The following IGSF21 variants were observed in gnomAD, a reference collection of about 807,000 sequenced individuals.
IGSF21 encodes the protein immunoglobin superfamily member 21.
A neutral mutation model predicts 46.8 loss-of-function variants in IGSF21; 28 were observed. That is an observed-to-expected ratio of 0.60 (90% confidence interval 0.44 to 0.82). IGSF21 has a LOEUF of 0.82. Among genes scored for constraint, IGSF21 ranks in the 40% least tolerant of loss-of-function variants. The pLI is 0.00. For missense variants in IGSF21, 624 were observed against 665.5 expected (o/e 0.94, Z 0.69); for synonymous variants, 284 against 273.6 (o/e 1.04, Z -0.38).
chr1:18,220,220 T>C (rs1335477403), intron 1 of IGSF21, among the ~76,000 whole-genome samples: 1 of 152,150 alleles, frequency 6.6e-6, no homozygotes, highest in African/African-American at 2.4e-5. Context: ...TATCCTACCA[T>C]CCTGAGTGAG....
intron 1 of IGSF21, among the ~76,000 whole-genome samples, chr1:18,191,642 G>A (rs1052297389): frequency 6.6e-6 from 1 of 151,694 alleles, no homozygotes; most frequent in Non-Finnish European, 1.5e-5. Context: ...AGGCTTGCGG[G>A]TTGGGGAAGC....
chr1:18,167,754 C>T (rs2086693391), intron 1 of IGSF21: 1 of 152,132 alleles, frequency 6.6e-6, no homozygotes, highest in South Asian at 2.1e-4. Flanking sequence ...CACCTCCATC[C>T]CCACTCCTGC....
intron 1 of IGSF21, among the ~76,000 whole-genome samples, chr1:18,150,328 TG>T (rs2086510391): frequency 6.6e-6 from 1 of 151,940 alleles, no homozygotes; most frequent in Non-Finnish European, 1.5e-5. Flanking sequence ...CTCTGGAAAA[TG>T]GGGATAGCAC....
At chr1:18,219,810 G>A (rs1322434907) in intron 1 of IGSF21, among the ~76,000 whole-genome samples, 1 of 152,156 alleles carries the variant, frequency 6.6e-6, no homozygotes, top group East Asian at 1.9e-4. Context: ...GCACGGGCAT[G>A]GAGGATGTTT....
chr1:18,219,093 A>G (rs1315709014), intron 1 of IGSF21, among the ~76,000 whole-genome samples: 3 of 152,232 alleles, frequency 2.0e-5, no homozygotes, highest in Non-Finnish European at 4.4e-5. Context: ...TGTACAGTCT[A>G]GTTGGAGGTC....
intron 4 of IGSF21, among the ~76,000 whole-genome samples, chr1:18,341,030 TTCTTCTTCTTCTTCC>T (rs1224540790): frequency 3.8e-5 from 4 of 105,328 alleles, no homozygotes; most frequent in African/African-American, 7.0e-5. Context: ...CTTCTTCTTC[TTCTTCTTCTTCTTCC>T]TCTTCCTCTT....
chr1:18,351,945 C>T (rs957710888), intron 4 of IGSF21, among the ~76,000 whole-genome samples: 5 of 152,202 alleles, frequency 3.3e-5, no homozygotes, highest in Non-Finnish European at 7.3e-5. Context: ...GCCAGCAAAA[C>T]TCCAGGAGCA....
intron 1 of IGSF21, among the ~76,000 whole-genome samples, chr1:18,124,390 G>A (rs117059480): frequency 6.6e-6 from 1 of 152,312 alleles, no homozygotes; most frequent in East Asian, 1.9e-4. Context: ...GAAAGAACTA[G>A]TGCAGAGAGG....
rs564556451 is a variant in IGSF21 at position 18,289,495 on chromosome 1, G to A, written c.184-2371G>A. On this transcript the variant is annotated intron_variant, in intron 2 of 9. Coordinates refer to ENST00000251296, the MANE Select transcript of IGSF21 (RefSeq NM_032880.5). ...AGGAACCTAGTGTGGGGCCTCAGCC[G>A]AATCATTTTGCCTCTCCAAGCCTCA... Among the ~76,000 whole-genome samples the A allele has an allele frequency of 2.6e-4, 40 of 152,342 alleles. 2 individuals carry two copies. The South Asian group carries it at 7.5e-3, about 28-fold the overall frequency.
chr1:18,225,470 T>TGGTGACCCTCCATCCC (rs2084557423), intron 1 of IGSF21, among the ~76,000 whole-genome samples: 1 of 152,098 alleles, frequency 6.6e-6, no homozygotes, highest in Admixed American at 6.5e-5. Context: ...CCCTCCATCC[T>TGGTGACCCTCCATCCC]GCCCTGCCTG....
chr1:18,308,035 C>G (rs2085443804), intron 3 of IGSF21, among the ~76,000 whole-genome samples: 1 of 152,132 alleles, frequency 6.6e-6, no homozygotes, highest in African/African-American at 2.4e-5. Flanking sequence ...AAAGGGACAC[C>G]CTGCTCCCTT....
rs1031648029 is a variant in IGSF21, at chr1:18,376,884, G to A, written c.1186G>A (p.Glu396Lys). The A allele has an allele frequency of 7.4e-6, 12 of 1,612,940 alleles. No individual in the cohort carries two copies. The highest frequency in any genetic ancestry group is 4.0e-5 in the African/African-American group (3 of 74,924). ...LDGSAEFDGK[E>K]LVLERVPAEL... ...CGGCAGCGCTGAGTTCGACGGGAAG[G>A]AGCTGGTGCTGGAGCGGGTTCCCGC... The change falls in exon 8 of 10, where the codon GAG becomes AAG. Residue 396 changes from glutamate to lysine, a missense_variant. Coordinates refer to ENST00000251296, the MANE Select transcript of IGSF21 (RefSeq NM_032880.5).
chr1:18,332,992 T>G (rs1006020249), intron 3 of IGSF21, among the ~76,000 whole-genome samples: 1 of 152,160 alleles, frequency 6.6e-6, no homozygotes, highest in Non-Finnish European at 1.5e-5. Flanking sequence ...GCTGAGGTTA[T>G]GTTGCTCTGC....
intron 1 of IGSF21, among the ~76,000 whole-genome samples, chr1:18,154,377 C>T (rs1377942727): frequency 6.6e-6 from 1 of 152,088 alleles, no homozygotes; most frequent in Non-Finnish European, 1.5e-5. Context: ...ATCAAAACTT[C>T]CCCATTCAAA....
intron 2 of IGSF21, among the ~76,000 whole-genome samples, chr1:18,242,802 G>C (rs576355688): frequency 7.2e-4 from 109 of 152,320 alleles, no homozygotes; most frequent in Admixed American, 2.0e-3. Context: ...CATCCCTCCA[G>C]GTAGAGAACT....
chr1:18,237,955 G>T (rs2084688318), intron 2 of IGSF21, among the ~76,000 whole-genome samples: 2 of 152,138 alleles, frequency 1.3e-5, no homozygotes, highest in Non-Finnish European at 2.9e-5. Flanking sequence ...TTGGGCCAGG[G>T]ATTCTATGTG....
Position 18,377,413 on chromosome 1 carries a change from G to A in IGSF21, c.1315G>A (p.Gly439Arg), listed in dbSNP as rs987025349. ...AACAGAAAACCCAAATATCCCAAGA[G>A]GAACGGAGGACTCTAATGGTAAGTC... ...IVFENPNIPR[G>R]TEDSNGSIGP... is the part of the protein sequence containing the mutation. The change falls in exon 9 of 10, where the codon GGA becomes AGA. Residue 439 changes from glycine (G) to arginine (R), a missense_variant. Transcript: ENST00000251296. 3 of 1,613,508 alleles carry A rather than the reference G, an allele frequency of 1.9e-6. No individual in the cohort carries two copies. Among genetic ancestry groups the A allele is most frequent in the African/African-American group, 1.3e-5 (1 of 74,912 alleles).
intron 1 of IGSF21, among the ~76,000 whole-genome samples, chr1:18,213,859 GC>G (rs2084417193): frequency 6.6e-6 from 1 of 152,142 alleles, no homozygotes; most frequent in Admixed American, 6.5e-5. Flanking sequence ...GCCTAAGGAA[GC>G]TTTTCCCTAG....
At chr1:18,159,425 G>A (rs1377320463) in intron 1 of IGSF21, among the ~76,000 whole-genome samples, 2 of 152,192 alleles carry the variant, frequency 1.3e-5, no homozygotes, top group East Asian at 1.9e-4. Flanking sequence ...ATCTCATCTT[G>A]AATTGTAGCT....
Sources: allele counts gnomAD v4.1 joint callset (sites outside exome capture counted in the v4.1 genomes callset), GRCh38; gene constraint gnomAD v4.1.1; transcripts MANE v1.5; gene names NCBI Gene and HGNC (gene_info 2026-07-23, HGNC 2026-07-21).